Variants in RANBP1 observed in about 807,000 individuals in gnomAD.
RANBP1 encodes RAN binding protein 1, also known as ran-specific GTPase-activating protein.
A neutral mutation model predicts 31.4 loss-of-function variants in RANBP1; 16 were observed. The observed-to-expected ratio is 0.51, with a 90% CI of 0.34 to 0.77. The LOEUF (loss-of-function observed/expected upper bound fraction) is 0.77. Among genes scored for constraint, RANBP1 ranks in the 30% least tolerant of loss-of-function variants. RANBP1 has a pLI of 0.01. For synonymous variants in RANBP1, 129 were observed against 140.5 expected (o/e 0.92, Z 0.58); for missense variants, 265 against 362.0 (o/e 0.73, Z 2.17).
At chr22:20,122,582 G>C (rs767027833) in intron 3 of RANBP1, 161 bp downstream of exon 3, 1 of 1,539,714 alleles carries the variant, frequency 6.5e-7, no homozygotes, top group Non-Finnish European at 8.8e-7. Context: ...TTTTTCAGAC[G>C]TGCCTCTGAA....
chr22:20,122,724 T>TGTGTGTGTGC, intron 3 of RANBP1: 1 of 581,828 alleles, frequency 1.7e-6, no homozygotes, highest in Non-Finnish European at 2.0e-6. Flanking sequence ...GAGGGGGTGC[T>TGTGTGTGTGC]GTGTGTGTGT....
intron 4 of RANBP1, among the ~76,000 whole-genome samples, chr22:20,125,882 C>T (rs1190750995): frequency 6.6e-6 from 1 of 152,256 alleles, no homozygotes; most frequent in African/African-American, 2.4e-5. Flanking sequence ...CTGATCTCTT[C>T]CCTGCTCAGA....
chr22:20,126,943 T>C lies in RANBP1; in HGVS notation c.737-9T>C. 1.2e-6 allele frequency: 2 copies of C among 1,611,892 alleles called. No individual in the cohort carries two copies. The highest frequency in any genetic ancestry group is 2.2e-5 in the South Asian group (2 of 91,022). On this transcript the variant is annotated splice_polypyrimidine_tract_variant and intron_variant, in intron 5 of 5. Coordinates refer to ENST00000430524, the MANE Select transcript of RANBP1 (RefSeq NM_001278639.2). ...TTCTGTTTTCTCACTGTGCTGCTTG[T>C]GTTTTTAGCAGGATCAGGCAAAAAT...
In RANBP1 at chr22:20,127,288, T is replaced by A. The variant is rs1289703343; in HGVS notation, c.*236T>A. On this transcript the variant is annotated 3_prime_UTR_variant, in exon 6 of 6. Coordinates refer to ENST00000430524, the MANE Select transcript of RANBP1 (RefSeq NM_001278639.2). ...GAAAATGTACTGTGCTAACTTTCTT[T>A]TCCATAGTGGAAACACTTATTTATA... is the stretch of plus-strand genomic sequence containing the variant. The A allele has an allele frequency of 2.9e-6, 1 of 349,568 alleles. No homozygotes were observed. The highest frequency in any genetic ancestry group is 6.3e-5 in the East Asian group (1 of 15,914). The allele number at this position is 349,568 out of a possible 1,614,324, so 21.7% of individuals were successfully genotyped here.
At chr22:20,116,986 A>C (rs1356736027) in intron 1 of RANBP1, 6 of 1,496,134 alleles carry the variant, frequency 4.0e-6, no homozygotes, top group Non-Finnish European at 5.4e-6. Context: ...TCACAAGGGA[A>C]GTGGCCTGTC....
At chr22:20,125,247 G>C in intron 3 of RANBP1, 61 bp from the exon 4 acceptor site, 10 of 1,602,914 alleles carry the variant, frequency 6.2e-6, no homozygotes, top group Non-Finnish European at 8.5e-6. Context: ...CTGTGGCCGA[G>C]GGCTGGGTGG....
intron 3 of RANBP1, chr22:20,125,009 T>G (rs2050265058): frequency 1.3e-5 from 5 of 373,602 alleles, no homozygotes; most frequent in South Asian, 1.3e-4. Context: ...GTGTGCCAAG[T>G]GATCTTGAAC....
At chr22:20,121,624 A>G (rs1384058073) in intron 2 of RANBP1, among the ~76,000 whole-genome samples, 1 of 152,052 alleles carries the variant, frequency 6.6e-6, no homozygotes, top group East Asian at 1.9e-4. Context: ...GGCTCACTGC[A>G]GCCTTGAACT....
chr22:20,118,572 TTAAAG>T (rs1451694778), intron 1 of RANBP1, among the ~76,000 whole-genome samples: 1 of 152,244 alleles, frequency 6.6e-6, no homozygotes, highest in Non-Finnish European at 1.5e-5. Context: ...ACATTTTGCT[TTAAAG>T]TAATATTTCA....
chr22:20,116,487 A>G (rs1168788230), intron 1 of RANBP1, 57 bp downstream of exon 1: 3 of 1,612,702 alleles, frequency 1.9e-6, no homozygotes, highest in Non-Finnish European at 2.5e-6. Context: ...CCGGCCCTGT[A>G]GCCGCCCCAG....
Position 20,126,377 on chromosome 22 carries a change from G to T in RANBP1, c.736+9G>T. 1.2e-6 allele frequency: 2 copies of T among 1,614,020 alleles called. No individual in the cohort carries two copies. Among genetic ancestry groups the T allele is most frequent in the South Asian group, 1.1e-5 (1 of 91,080 alleles). On this transcript the variant is annotated intron_variant, in intron 5 of 5. Coordinates refer to ENST00000430524, the MANE Select transcript of RANBP1 (RefSeq NM_001278639.2). The stretch of plus-strand genomic sequence containing the variant: ...AGAGAGAGAAAAGAAAGGTGACGTG[G>T]TGCCATGGGTTGGGGGGCTTCTTTG...
At chr22:20,120,861 T>A (rs1307184502) in intron 2 of RANBP1, among the ~76,000 whole-genome samples, 2 of 152,094 alleles carry the variant, frequency 1.3e-5, no homozygotes, top group Non-Finnish European at 2.9e-5. Context: ...CCTGGAGTTT[T>A]TTGGGCTGCT....
chr22:20,118,074 C>G (rs368576470), intron 1 of RANBP1: 38 of 997,678 alleles, frequency 3.8e-5, no homozygotes, highest in African/African-American at 1.0e-4. Flanking sequence ...TCGGTTCTTA[C>G]GTCTGGAACC....
Position 20,119,017 on chromosome 22 carries a change from C to G in RANBP1, c.251C>G (p.Thr84Ser), listed in dbSNP as rs1002133449. ...CSSSLKISED[T>S]HEDHDTSTEN... Reference sequence around the variant, plus strand: ...AACCTCTTTGTATCTCCACAGGACACTCATGAGGACCATGATACTTCCACT... The same window carrying G: ...AACCTCTTTGTATCTCCACAGGACAGTCATGAGGACCATGATACTTCCACT... Residue 84 changes from threonine (T) to serine (S), a missense_variant, in exon 2 of 6, where the codon ACT (threonine) becomes AGT (serine). This residue lies in a region of RANBP1 where 126 missense variants were observed against 123.6 expected (regional missense o/e 1.02). Coordinates refer to ENST00000430524, the MANE Select transcript of RANBP1 (RefSeq NM_001278639.2). The G allele has an allele frequency of 2.5e-6, 4 of 1,612,228 alleles. No individual in the cohort carries two copies. Among genetic ancestry groups the G allele is most frequent in the African/African-American group, 2.7e-5 (2 of 74,876 alleles).
At chr22:20,122,623 C>T (rs1439311937) in intron 3 of RANBP1, 6 of 1,518,652 alleles carry the variant, frequency 4.0e-6, no homozygotes, top group Non-Finnish European at 5.3e-6. Flanking sequence ...AAGCTTAGAG[C>T]ACACGGGGGT....
At chr22:20,125,607 C>A (rs1403512286) in intron 4 of RANBP1, 171 bp downstream of exon 4, 2 of 1,510,228 alleles carry the variant, frequency 1.3e-6, no homozygotes, top group Non-Finnish European at 8.8e-7. Context: ...CAGACTGAAG[C>A]CATGAGCAGC....
intron 3 of RANBP1, chr22:20,124,073 T>G (rs1463578719): frequency 6.6e-6 from 1 of 152,626 alleles, no homozygotes; most frequent in Non-Finnish European, 1.5e-5. Context: ...TGGGTTCCCC[T>G]CCCTCCCTGC....
At chr22:20,122,731 G>GTA (rs1317322931) in intron 3 of RANBP1, 2 of 974,746 alleles carry the variant, frequency 2.1e-6, no homozygotes, top group Non-Finnish European at 2.4e-6. Context: ...TGCTGTGTGT[G>GTA]TGTGTGTGTG....
chr22:20,121,847 T>TCGTG, intron 2 of RANBP1, among the ~76,000 whole-genome samples: 1 of 138,820 alleles, frequency 7.2e-6, no homozygotes, highest in East Asian at 2.3e-4. Context: ...CAAGTGATTG[T>TCGTG]CGTGCCTCAG....
Sources: allele counts gnomAD v4.1 joint callset (sites outside exome capture counted in the v4.1 genomes callset), GRCh38; gene constraint gnomAD v4.1.1; regional missense constraint gnomAD v4.1.1; transcripts MANE v1.5; gene names NCBI Gene and HGNC (gene_info 2026-07-23, HGNC 2026-07-21).